The following TNIP1 variants were observed in gnomAD, a reference collection of about 807,000 sequenced individuals.
The protein encoded by TNIP1 is TNFAIP3 interacting protein 1, also known as TNFAIP3-interacting protein 1.
A neutral mutation model predicts 86.6 loss-of-function variants in TNIP1; 22 were observed. That is an observed-to-expected ratio of 0.25 (90% CI 0.18 to 0.36). The LOEUF (loss-of-function observed/expected upper bound fraction) is 0.36, where lower values mean the gene tolerates loss of function less well. Ranked by LOEUF, TNIP1 falls within the 10% of genes least tolerant of loss-of-function variation. TNIP1 has a pLI of 1.00. For missense variants in TNIP1, 709 were observed against 820.6 expected, an observed-to-expected ratio of 0.86 and a Z score of 1.66; for synonymous variants, 294 against 313.0, an observed-to-expected ratio of 0.94 and a Z score of 0.64.
intron 2 of TNIP1, 58 bp downstream of exon 2, chr5:151,064,902 C>T: frequency 6.2e-7 from 1 of 1,607,070 alleles, no homozygotes; most frequent in African/African-American, 1.4e-5. Context: ...AGTAGAGGGA[C>T]TGGCATCACA....
At chr5:151,058,007 G>A (rs1161200527) in intron 5 of TNIP1, among the ~76,000 whole-genome samples, 11 of 152,060 alleles carry the variant, frequency 7.2e-5, no homozygotes, top group Non-Finnish European at 1.5e-4. Context: ...TGCAACCTCC[G>A]CCTCCTGGGT....
At position 151,036,853 on chromosome 5, in the gene TNIP1, T is replaced by C. The variant is rs200948988; in HGVS notation, c.1332A>G (p.Glu444=). 1 of 1,613,752 alleles carries C rather than the reference T, an allele frequency of 6.2e-7. No homozygotes were observed. The highest frequency in any genetic ancestry group is 8.5e-7 in the Non-Finnish European group (1 of 1,179,806). ...GTTTCCTTAGGAGGGCCCCTGCTCC[T>C]TCTGGGCTCCCAAATGCTGTTGGTG... is the stretch of plus-strand genomic sequence containing the variant. ...SSPPTAFGSP[E]GAGALLRKQE... The change falls in exon 13 of 18, where the codon GAA becomes GAG. Residue 444 remains glutamate (E), a synonymous_variant. Transcript: ENST00000521591.
chr5:151,039,393 C>T (rs1758131396), intron 11 of TNIP1, among the ~76,000 whole-genome samples, 168 bp from the exon 12 acceptor site: 1 of 152,030 alleles, frequency 6.6e-6, no homozygotes, highest in Admixed American at 6.5e-5. Context: ...CGGTCCTGCC[C>T]TCAATTATTA....
intron 12 of TNIP1, 106 bp from the exon 13 acceptor site, chr5:151,037,027 A>G: frequency 7.4e-7 from 1 of 1,357,284 alleles, no homozygotes; most frequent in Non-Finnish European, 9.9e-7. Flanking sequence ...TCATACTAAT[A>G]ATAGCCACCA....
intron 1 of TNIP1, chr5:151,080,328 G>A (rs1174645534): frequency 6.6e-6 from 1 of 152,230 alleles, no homozygotes; most frequent in Non-Finnish European, 1.5e-5. Context: ...ACTCACAGCT[G>A]TGTGACCTCA....
At chr5:151,050,196 G>A (rs751252775) in intron 7 of TNIP1, among the ~76,000 whole-genome samples, 5 of 152,140 alleles carry the variant, frequency 3.3e-5, no homozygotes, top group African/African-American at 7.2e-5. Flanking sequence ...AAGACCTTCC[G>A]GATATATCCA....
Position 151,042,974 on chromosome 5 carries a change from A to C in TNIP1, c.937-13T>G. 2 of 1,614,016 alleles carry C rather than the reference A, an allele frequency of 1.2e-6. No individual in the cohort carries two copies. Among genetic ancestry groups the C allele is most frequent in the Non-Finnish European group, 1.7e-6 (2 of 1,179,936 alleles). The stretch of plus-strand genomic sequence containing the variant: ...TCACTTCCAGCAGCTGTGGGGAGAG[A>C]CTGGAGTTAGCAGGAGATGAGCAGA... On this transcript the variant is annotated splice_polypyrimidine_tract_variant and intron_variant, in intron 9 of 17. Transcript: ENST00000521591.
Position 151,043,618 on chromosome 5 carries a change from T to C in TNIP1, c.937-657A>G, listed in dbSNP as rs140312148. 7.6e-3 allele frequency among the ~76,000 whole-genome samples: 1,157 copies of C among 151,668 alleles called. 13 individuals carry two copies. Among genetic ancestry groups the C allele is most frequent in the African/African-American group, 0.027 (1,100 of 41,314 alleles). On this transcript the variant is annotated intron_variant, in intron 9 of 17. Coordinates refer to ENST00000521591, the MANE Select transcript of TNIP1 (RefSeq NM_006058.5). ...GGCAAAACCCCATCTCTACAAAAAA[T>C]ACAAAATTTAGCCGGGCATGGTGGC... is the stretch of plus-strand genomic sequence containing the variant.
intron 8 of TNIP1, 135 bp downstream of exon 8, chr5:151,049,689 A>T (rs1030266967): frequency 2.7e-6 from 3 of 1,121,512 alleles, no homozygotes; most frequent in Non-Finnish European, 3.8e-6. Context: ...TAAAGAAAAA[A>T]ACACGTAACA....
chr5:151,052,053 TG>T, intron 7 of TNIP1, 111 bp downstream of exon 7: 2 of 877,350 alleles, frequency 2.3e-6, no homozygotes, highest in Non-Finnish European at 1.8e-6. Flanking sequence ...AATAGGGCTC[TG>T]GGCACAGGGC....
intron 1 of TNIP1, among the ~76,000 whole-genome samples, chr5:151,074,734 A>G (rs1218901066): frequency 6.6e-6 from 1 of 152,268 alleles, no homozygotes; most frequent in Non-Finnish European, 1.5e-5. Flanking sequence ...GCAATTTCCT[A>G]TCAGGAAATA....
intron 9 of TNIP1, among the ~76,000 whole-genome samples, chr5:151,043,252 C>G (rs1758687941): frequency 6.6e-6 from 1 of 152,222 alleles, no homozygotes; most frequent in South Asian, 2.1e-4. Flanking sequence ...GGAGGGCAGT[C>G]TGGGATTATG....
At chr5:151,044,793 G>A (rs76871086) in intron 9 of TNIP1, among the ~76,000 whole-genome samples, 2,866 of 152,226 alleles carry the variant, frequency 0.019, 93 homozygotes, top group African/African-American at 0.065. Context: ...AGGAACACAT[G>A]TGAGATCCAT....
At position 151,062,183 on chromosome 5, in the gene TNIP1, T is replaced by C; in HGVS notation, c.301A>G (p.Thr101Ala). The stretch of plus-strand genomic sequence containing the variant: ...TTGTCACTGGGGCATGCAGGGGCTG[T>C]GGGAGATGCTGTGACATTTGAGTCC... ...GKDSNVTASPTAPACPSDKPA... is the reference protein window; with the variant it reads ...GKDSNVTASPAAPACPSDKPA... Residue 101 changes from threonine (T) to alanine (A), a missense_variant, in exon 4 of 18, where the codon ACA (threonine) becomes GCA (alanine). Physicochemically the swap from Thr to Ala is moderately conservative, Grantham distance 58. Transcript: ENST00000521591. The C allele has an allele frequency of 6.2e-7, 1 of 1,614,104 alleles. No individual in the cohort carries two copies. The highest frequency in any genetic ancestry group is 8.5e-7 in the Non-Finnish European group (1 of 1,180,006).
upstream of TNIP1, among the ~76,000 whole-genome samples, chr5:151,082,382 C>T (rs769364289): frequency 6.6e-6 from 1 of 152,168 alleles, no homozygotes; most frequent in Non-Finnish European, 1.5e-5. Flanking sequence ...CACTGAGTCT[C>T]ACCACTGGGG....
chr5:151,039,684 G>C (rs999277545), intron 11 of TNIP1, among the ~76,000 whole-genome samples: 1 of 152,188 alleles, frequency 6.6e-6, no homozygotes, highest in African/African-American at 2.4e-5. Context: ...GATTCACATG[G>C]GGGTCTTCCG....
chr5:151,031,124 T>C (rs1756829126), intron 17 of TNIP1, among the ~76,000 whole-genome samples: 1 of 152,132 alleles, frequency 6.6e-6, no homozygotes, highest in Admixed American at 6.5e-5. Context: ...TCCAAGGGGC[T>C]CCACTGAACT....
At chr5:151,039,720 G>A (rs971402490) in intron 11 of TNIP1, among the ~76,000 whole-genome samples, 3 of 152,194 alleles carry the variant, frequency 2.0e-5, no homozygotes, top group Non-Finnish European at 2.9e-5. Flanking sequence ...GATAAACTAC[G>A]GATAATCCCT....
At chr5:151,061,943 A>G (rs1269782638) in intron 4 of TNIP1, among the ~76,000 whole-genome samples, 184 bp downstream of exon 4, 1 of 152,158 alleles carries the variant, frequency 6.6e-6, no homozygotes, top group Non-Finnish European at 1.5e-5. Context: ...TTTAACTATG[A>G]CCTTCATTTC....
Sources: allele counts gnomAD v4.1 joint callset (sites outside exome capture counted in the v4.1 genomes callset), GRCh38; gene constraint gnomAD v4.1.1; transcripts MANE v1.5; gene names NCBI Gene and HGNC (gene_info 2026-07-23, HGNC 2026-07-21).